The following RASEF variants were observed in gnomAD, a reference collection of about 807,000 sequenced individuals.
RASEF encodes ras and EF-hand domain-containing protein.
A neutral mutation model predicts 90.1 loss-of-function variants in RASEF; 68 were observed. The ratio of observed to expected loss-of-function variants is 0.75; its 90% CI spans 0.62 to 0.92. The LOEUF (loss-of-function observed/expected upper bound fraction) is 0.92. Ranked by LOEUF, RASEF falls within the 40% of genes least tolerant of loss-of-function variation. RASEF has a pLI of 0.00. For missense variants in RASEF, 949 were observed against 937.2 expected (o/e 1.01, Z -0.16); for synonymous variants, 331 against 345.2 (o/e 0.96, Z 0.46).
the RASEF span, among the ~76,000 whole-genome samples, chr9:83,188,808 C>T: frequency 8.5e-5 from 13 of 152,116 alleles, no homozygotes; most frequent in African/African-American, 3.1e-4. Context: ...TTTTTAAACC[C>T]CTTGAGTTCA....
At chr9:83,203,404 C>A in the RASEF span, among the ~76,000 whole-genome samples, 1 of 151,874 alleles carries the variant, frequency 6.6e-6, no homozygotes, top group Non-Finnish European at 1.5e-5. Flanking sequence ...GCCTCCCAAA[C>A]AGCTGGGATT....
chr9:83,155,458 T>A, the RASEF span, among the ~76,000 whole-genome samples: 2 of 152,132 alleles, frequency 1.3e-5, no homozygotes, highest in Non-Finnish European at 2.9e-5. Context: ...CAAAATGGAT[T>A]TCCCCCTATA....
chr9:83,091,657 C>T, the RASEF span, among the ~76,000 whole-genome samples: 119 of 152,040 alleles, frequency 7.8e-4, 3 homozygotes, highest in Admixed American at 7.3e-3. Context: ...TATTGTTTGC[C>T]GCAGCTGTTA....
the RASEF span, among the ~76,000 whole-genome samples, chr9:83,076,029 G>A: frequency 2.0e-5 from 3 of 152,068 alleles, no homozygotes; most frequent in Admixed American, 6.5e-5. Flanking sequence ...TTACCTGGGC[G>A]TGGTGGCACG....
rs1438610902 is a variant in RASEF, at chr9:83,053,814, G to A, written c.431+8623C>T. On this transcript the variant is annotated intron_variant, in intron 1 of 16. Transcript: ENST00000376447. Reference sequence around the variant, plus strand: ...CTCCTTCACTTATGAAGCTTAGTTTGGCTGGATATGAAATTCTGGGTTGAA... The same window carrying A: ...CTCCTTCACTTATGAAGCTTAGTTTAGCTGGATATGAAATTCTGGGTTGAA... Among the ~76,000 whole-genome samples, 23 of 123,230 alleles carry A rather than the reference G, an allele frequency of 1.9e-4. 1 individual carries two copies. The highest frequency in any genetic ancestry group is 7.2e-4 in the African/African-American group (20 of 27,626). 80.8% of individuals were successfully genotyped at this position (123,230 alleles called of 152,430 possible).
chr9:83,151,309 TGA>T, the RASEF span, among the ~76,000 whole-genome samples: 1 of 152,210 alleles, frequency 6.6e-6, no homozygotes, highest in Admixed American at 6.5e-5. Context: ...GAGAATGAAT[TGA>T]AAGAGAGCAA....
At chr9:83,135,963 C>A in the RASEF span, among the ~76,000 whole-genome samples, 1 of 151,926 alleles carries the variant, frequency 6.6e-6, no homozygotes, top group Non-Finnish European at 1.5e-5. Context: ...ATTACGGTTT[C>A]CCTGGGAGAA....
chr9:83,140,915 G>T, the RASEF span, among the ~76,000 whole-genome samples: 2 of 152,046 alleles, frequency 1.3e-5, no homozygotes, highest in East Asian at 3.9e-4. Context: ...GACCAAGGCC[G>T]ACAGATAACC....
At chr9:83,194,002 T>A in the RASEF span, among the ~76,000 whole-genome samples, 1,983 of 152,298 alleles carry the variant, frequency 0.013, 34 homozygotes, top group African/African-American at 0.044. Flanking sequence ...TACAGAATAA[T>A]TTGGATGTAC....
intron 1 of RASEF, among the ~76,000 whole-genome samples, chr9:83,052,803 C>T (rs1380787982): frequency 7.6e-6 from 1 of 130,722 alleles, no homozygotes; most frequent in Non-Finnish European, 1.6e-5. Flanking sequence ...CGTTATGTAC[C>T]CAGTAGTCAT....
At position 82,980,548 on chromosome 9, in the gene RASEF, C is replaced by T. The variant is rs1412714423; in HGVS notation, c.*2129G>A. ...GAAAATACTTCTGTATTATGGTATACTCTTTCACAGATTGTAAAACAAATA... is the reference window on the plus strand; with the variant it reads ...GAAAATACTTCTGTATTATGGTATATTCTTTCACAGATTGTAAAACAAATA... On this transcript the variant is annotated 3_prime_UTR_variant, in exon 17 of 17. Transcript: ENST00000376447. The T allele has an allele frequency of 6.6e-6, 1 of 152,196 alleles. No individual in the cohort carries two copies. The highest frequency in any genetic ancestry group is 6.5e-5 in the Admixed American group (1 of 15,282). The allele number at this position is 152,196 out of a possible 1,614,324, so 9.4% of individuals were successfully genotyped here.
At chr9:83,211,405 G>A in the RASEF span, among the ~76,000 whole-genome samples, 1 of 152,278 alleles carries the variant, frequency 6.6e-6, no homozygotes, top group African/African-American at 2.4e-5. Flanking sequence ...ATTCTGCTGG[G>A]ATATTGAACT....
the RASEF span, among the ~76,000 whole-genome samples, chr9:83,088,544 T>C: frequency 4.6e-5 from 7 of 152,098 alleles, no homozygotes; most frequent in Non-Finnish European, 2.9e-5. Context: ...TATTGCTGAA[T>C]GGCCTATTTC....
intron 6 of RASEF, among the ~76,000 whole-genome samples, chr9:83,008,603 A>G (rs1376381965): frequency 6.6e-6 from 1 of 151,982 alleles, no homozygotes; most frequent in African/African-American, 2.4e-5. Context: ...AGTGCCTGGC[A>G]GGCAGCAGTG....
At chr9:83,165,601 G>C in the RASEF span, among the ~76,000 whole-genome samples, 2 of 152,016 alleles carry the variant, frequency 1.3e-5, no homozygotes, top group African/African-American at 4.8e-5. Flanking sequence ...ACCAGACAAA[G>C]AGGAGGAAAT....
At chr9:83,111,723 G>T in the RASEF span, among the ~76,000 whole-genome samples, 1 of 151,614 alleles carries the variant, frequency 6.6e-6, no homozygotes. Context: ...AATATCTTAA[G>T]AGTTAGTTGA....
Position 83,007,093 on chromosome 9 carries a change from C to CAAAA in RASEF, c.1028+340_1028+343dup, listed in dbSNP as rs11394639. Reference sequence around the variant, plus strand: ...TGGGTGACAGGGCAAGACTCTGTCTCAAAAAAAAAAAAAAAAACTCACGGT... The same window carrying CAAAA: ...TGGGTGACAGGGCAAGACTCTGTCTCAAAAAAAAAAAAAAAAAAAAACTCACGGT... On this transcript the variant is annotated intron_variant, in intron 7 of 16. Coordinates refer to ENST00000376447, the MANE Select transcript of RASEF (RefSeq NM_152573.4). Among the ~76,000 whole-genome samples the CAAAA allele has an allele frequency of 7.1e-5, 9 of 127,180 alleles. 1 individual carries two copies. The highest frequency in any genetic ancestry group is 2.0e-4 in the African/African-American group (7 of 35,100). 83.4% of individuals were successfully genotyped at this position (127,180 alleles called of 152,430 possible).
At chr9:83,009,935 A>G (rs1829209371) in intron 5 of RASEF, among the ~76,000 whole-genome samples, 179 bp from the exon 6 acceptor site, 1 of 152,224 alleles carries the variant, frequency 6.6e-6, no homozygotes, top group Non-Finnish European at 1.5e-5. Context: ...ATAAATTAAT[A>G]AAGTGTCAAA....
chr9:83,072,965 G>A, the RASEF span, among the ~76,000 whole-genome samples: 1 of 152,190 alleles, frequency 6.6e-6, no homozygotes, highest in South Asian at 2.1e-4. Context: ...CAGTTTTAGA[G>A]AGGAAAACAC....
Sources: gnomAD v4.1 joint callset for allele counts (sites outside exome capture counted in the v4.1 genomes callset) on GRCh38, gnomAD v4.1.1 for gene constraint, MANE v1.5 for transcripts, NCBI Gene and HGNC (gene_info 2026-07-23, HGNC 2026-07-21) for gene names.